RNLS: variants seen among roughly 807,000 people sequenced by gnomAD.
The protein encoded by RNLS is renalase, FAD dependent amine oxidase.
In RNLS, 39 loss-of-function variants were observed where a neutral mutation model predicts 39.8. The observed-to-expected ratio is 0.98, with a 90% CI of 0.76 to 1.28. The LOEUF is 1.28. Ranked by LOEUF, RNLS falls within the 50% of genes most tolerant of loss-of-function variation. The probability of loss-of-function intolerance (pLI) is 0.00; values close to 1 mark genes in which losing one functional copy is unlikely to be tolerated. For missense variants in RNLS, 410 were observed against 413.3 expected (o/e 0.99, Z 0.07); for synonymous variants, 147 against 150.7 (o/e 0.98, Z 0.18).
chr10:88,245,875 C>T, the RNLS span, among the ~76,000 whole-genome samples: 4 of 152,154 alleles, frequency 2.6e-5, no homozygotes, highest in African/African-American at 7.2e-5. Context: ...CAGGCAACCT[C>T]GAATCCCACC....
At chr10:88,347,370 T>C (rs1325778151) in intron 5 of RNLS, among the ~76,000 whole-genome samples, 1 of 152,162 alleles carries the variant, frequency 6.6e-6, no homozygotes, top group East Asian at 1.9e-4. Context: ...TCTGAACAGA[T>C]TGACATGGTG....
At chr10:88,240,408 T>TA in the RNLS span, among the ~76,000 whole-genome samples, 3 of 134,220 alleles carry the variant, frequency 2.2e-5, no homozygotes. Flanking sequence ...AAAAAGTCCT[T>TA]TTTTTAAAAA....
intron 4 of RNLS, among the ~76,000 whole-genome samples, chr10:88,367,081 T>TAA (rs2133399896): frequency 6.6e-6 from 1 of 152,070 alleles, no homozygotes; most frequent in Non-Finnish European, 1.5e-5. Flanking sequence ...ATAATATATA[T>TAA]AATGTAAATT....
At chr10:88,561,143 C>G (rs1849164119) in intron 4 of RNLS, among the ~76,000 whole-genome samples, 1 of 151,940 alleles carries the variant, frequency 6.6e-6, no homozygotes, top group East Asian at 1.9e-4. Context: ...TTCTAATGGC[C>G]AAAAGTGACC....
the RNLS span, among the ~76,000 whole-genome samples, chr10:88,187,187 A>AAT: frequency 0.066 from 625 of 9,536 alleles, 42 homozygotes; most frequent in African/African-American, 0.14. Flanking sequence ...TAATATATAT[A>AAT]ATATATATAA....
chr10:88,188,382 G>A, the RNLS span, among the ~76,000 whole-genome samples: 2 of 152,130 alleles, frequency 1.3e-5, no homozygotes, highest in African/African-American at 4.8e-5. Flanking sequence ...TCTTAAAGCC[G>A]GCAGCATTAG....
chr10:88,416,227 T>C (rs1854014951), intron 4 of RNLS, among the ~76,000 whole-genome samples: 1 of 149,072 alleles, frequency 6.7e-6, no homozygotes, highest in Admixed American at 6.7e-5. Context: ...GAATTATATA[T>C]ATATATATAA....
At chr10:88,475,268 A>G (rs1843745617) in intron 4 of RNLS, among the ~76,000 whole-genome samples, 2 of 152,304 alleles carry the variant, frequency 1.3e-5, no homozygotes, top group Admixed American at 1.3e-4. Context: ...AGTGATGGCC[A>G]GCAACCAACC....
intron 4 of RNLS, among the ~76,000 whole-genome samples, chr10:88,503,858 A>G (rs1439694461): frequency 6.6e-6 from 1 of 152,136 alleles, no homozygotes. Context: ...CACTGTTAAT[A>G]TTAGGTTATA....
At chr10:88,257,559 C>G in the RNLS span, among the ~76,000 whole-genome samples, 2 of 152,140 alleles carry the variant, frequency 1.3e-5, no homozygotes, top group Non-Finnish European at 2.9e-5. Context: ...TGAATGACAA[C>G]TGGGAACAAA....
rs539845632 is a variant in RNLS, at chr10:88,291,835, T to G, written c.877-6329A>C. ...CCTCTAGATGCCGCTGCAAACCCAA[T>G]TACAATTCCTTCTAACAACCTTCTA... is the stretch of plus-strand genomic sequence containing the variant. On this transcript the variant is annotated intron_variant, in intron 6 of 6. Coordinates refer to ENST00000331772, the MANE Select transcript of RNLS (RefSeq NM_001031709.3). 6.6e-5 allele frequency among the ~76,000 whole-genome samples: 10 copies of G among 152,166 alleles called. No homozygotes were observed. In the South Asian group the frequency reaches 2.1e-3, roughly 32 times the overall value.
chr10:88,375,884 C>G (rs966821367), intron 4 of RNLS, among the ~76,000 whole-genome samples: 3 of 152,024 alleles, frequency 2.0e-5, no homozygotes, highest in Non-Finnish European at 2.9e-5. Context: ...TATATAGCAT[C>G]CTGAGGTACA....
chr10:88,573,590 A>T (rs1401392382), intron 3 of RNLS, among the ~76,000 whole-genome samples: 1 of 152,200 alleles, frequency 6.6e-6, no homozygotes, highest in African/African-American at 2.4e-5. Context: ...TCTGTAAGGG[A>T]AATGCAAGTT....
intron 5 of RNLS, among the ~76,000 whole-genome samples, chr10:88,347,612 C>G: frequency 6.6e-6 from 1 of 151,906 alleles, no homozygotes; most frequent in Non-Finnish European, 1.5e-5. Context: ...ACCAACCCCC[C>G]CCAATAAAAA....
At chr10:88,439,479 G>A (rs779447593) in intron 4 of RNLS, among the ~76,000 whole-genome samples, 3 of 152,172 alleles carry the variant, frequency 2.0e-5, no homozygotes, top group Non-Finnish European at 4.4e-5. Context: ...ACATTTTTGT[G>A]AGTTAGGGTG....
intron 6 of RNLS, among the ~76,000 whole-genome samples, chr10:88,306,441 TAAAG>T (rs1248463599): frequency 2.6e-5 from 4 of 151,314 alleles, no homozygotes; most frequent in African/African-American, 7.3e-5. Context: ...GCTAGACTAA[TAAAG>T]AAGAAAAGAG....
intron 5 of RNLS, among the ~76,000 whole-genome samples, chr10:88,318,153 T>G (rs1845903243): frequency 6.6e-6 from 1 of 152,182 alleles, no homozygotes; most frequent in Non-Finnish European, 1.5e-5. Flanking sequence ...TCTCTGCCCT[T>G]GAGTCACCAC....
the RNLS span, among the ~76,000 whole-genome samples, chr10:88,239,827 G>A: frequency 1.2e-4 from 19 of 152,172 alleles, 1 homozygote; most frequent in South Asian, 8.3e-4. Flanking sequence ...ATCAAGTTGA[G>A]GGCAAACTGG....
intron 4 of RNLS, among the ~76,000 whole-genome samples, chr10:88,570,198 C>T (rs1185633117): frequency 2.0e-5 from 3 of 152,136 alleles, no homozygotes; most frequent in African/African-American, 7.2e-5. Context: ...TCCTAAACAA[C>T]ATATTAGCAA....
Sources: allele counts gnomAD v4.1 joint callset (sites outside exome capture counted in the v4.1 genomes callset), GRCh38; gene constraint gnomAD v4.1.1; transcripts MANE v1.5; gene names NCBI Gene and HGNC (gene_info 2026-07-23, HGNC 2026-07-21).